Variants in VTI1A observed in about 807,000 individuals in gnomAD.
VTI1A encodes vesicle transport through interaction with t-SNAREs homolog 1A.
A neutral mutation model predicts 34.9 loss-of-function variants in VTI1A; 22 were observed. That is an observed-to-expected ratio of 0.63 (90% CI 0.45 to 0.90). VTI1A has a LOEUF of 0.90. Among genes scored for constraint, VTI1A ranks in the 40% least tolerant of loss-of-function variants. VTI1A has a pLI of 0.00. For synonymous variants in VTI1A, 87 were observed against 97.3 expected, an observed-to-expected ratio of 0.89 and a Z score of 0.62; for missense variants, 268 against 275.6, an observed-to-expected ratio of 0.97 and a Z score of 0.20.
chr10:112,653,036 A>G (rs1001062168), intron 5 of VTI1A, among the ~76,000 whole-genome samples: 1 of 152,252 alleles, frequency 6.6e-6, no homozygotes, highest in Non-Finnish European at 1.5e-5. Flanking sequence ...TAGGGGCTCA[A>G]GAGCCCCATT....
intron 5 of VTI1A, among the ~76,000 whole-genome samples, chr10:112,571,684 C>T (rs1336502400): frequency 6.6e-6 from 1 of 152,028 alleles, no homozygotes; most frequent in Non-Finnish European, 1.5e-5. Flanking sequence ...GTAGAATGCA[C>T]CTGTATGTTC....
intron 7 of VTI1A, chr10:112,736,896 A>G: frequency 2.8e-6 from 2 of 715,298 alleles, no homozygotes; most frequent in East Asian, 2.7e-5. Context: ...GGAAGTATTT[A>G]TAGATGCGCA....
intron 3 of VTI1A, among the ~76,000 whole-genome samples, chr10:112,478,684 C>T (rs767327809): frequency 3.9e-5 from 6 of 152,088 alleles, no homozygotes; most frequent in Middle Eastern, 6.8e-3. Flanking sequence ...ATAGTAGAGT[C>T]AGAATTAAAG....
At chr10:112,778,504 T>TA (rs1168382145) in intron 7 of VTI1A, among the ~76,000 whole-genome samples, 1 of 152,172 alleles carries the variant, frequency 6.6e-6, no homozygotes, top group South Asian at 2.1e-4. Context: ...GTTGTATTTT[T>TA]AAAAAGAATT....
chr10:112,483,665 A>G (rs1381053138), intron 3 of VTI1A, among the ~76,000 whole-genome samples: 2 of 152,034 alleles, frequency 1.3e-5, no homozygotes, highest in Non-Finnish European at 2.9e-5. Context: ...TGCCACCCCA[A>G]CCCCAGTCAT....
At chr10:112,570,427 G>T (rs765739691) in intron 5 of VTI1A, among the ~76,000 whole-genome samples, 1 of 152,136 alleles carries the variant, frequency 6.6e-6, no homozygotes, top group Non-Finnish European at 1.5e-5. Context: ...TAATGGTAAA[G>T]ATTGAGCCTG....
chr10:112,837,391 G>A, the VTI1A span, among the ~76,000 whole-genome samples: 1 of 152,178 alleles, frequency 6.6e-6, no homozygotes, highest in Non-Finnish European at 1.5e-5. Flanking sequence ...GGATGTCACA[G>A]TGACCCACCG....
chr10:112,599,993 T>C (rs1564843471), intron 5 of VTI1A, among the ~76,000 whole-genome samples: 1 of 152,232 alleles, frequency 6.6e-6, no homozygotes, highest in Non-Finnish European at 1.5e-5. Context: ...TAGATACTTA[T>C]TATTCTCATT....
rs569353607 is a variant in VTI1A at position 112,451,165 on chromosome 10, A to G, written c.94+3698A>G. Among the ~76,000 whole-genome samples the G allele has an allele frequency of 2.8e-4, 42 of 152,338 alleles. 1 individual carries two copies. In the East Asian group the frequency reaches 3.5e-3, roughly 13 times the overall value. ...ATCTGTTTAGAACCCTAGTTCTGCT[A>G]CTTACTAGATGTGCAGTCATGGACA... is the stretch of plus-strand genomic sequence containing the variant. On this transcript the variant is annotated intron_variant, in intron 1 of 7. Transcript: ENST00000393077.
rs35159993 is a variant in VTI1A, at chr10:112,795,431, C to CTTT, written c.561-19842_561-19840dup. Among the ~76,000 whole-genome samples, 24 of 123,984 alleles carry CTTT rather than the reference C, an allele frequency of 1.9e-4. 1 individual carries two copies. Among genetic ancestry groups the CTTT allele is most frequent in the East Asian group, 2.3e-4 (1 of 4,284 alleles). The allele number at this position is 123,984 out of a possible 152,430, so 81.3% of individuals were successfully genotyped here. A position where few individuals can be genotyped will look rare whatever the true frequency, so the allele number is the denominator to read the frequency against. The stretch of plus-strand genomic sequence containing the variant: ...TTTCTCCTACACATTCCCTATTACT[C>CTTT]TTTTTTTTTTTTTTTTTTTCTGAGA... On this transcript the variant is annotated intron_variant, in intron 7 of 7. Coordinates refer to ENST00000393077, the MANE Select transcript of VTI1A (RefSeq NM_145206.4).
intron 3 of VTI1A, among the ~76,000 whole-genome samples, chr10:112,483,274 A>T (rs926259462): frequency 1.7e-4 from 25 of 150,246 alleles, no homozygotes; most frequent in Non-Finnish European, 2.8e-4. Context: ...TTCTCCAATT[A>T]AAAAAAAAAT....
intron 5 of VTI1A, among the ~76,000 whole-genome samples, chr10:112,652,726 C>CAAGAAAAAAAAA (rs1847083041): frequency 9.4e-6 from 1 of 106,416 alleles, no homozygotes; most frequent in African/African-American, 3.8e-5. Flanking sequence ...GACCTTGTCT[C>CAAGAAAAAAAAA]AAAAAAAAAA....
At chr10:112,709,784 G>C (rs1422361563) in intron 7 of VTI1A, among the ~76,000 whole-genome samples, 2 of 142,420 alleles carry the variant, frequency 1.4e-5, no homozygotes, top group African/African-American at 5.3e-5. Flanking sequence ...TCTGCCTCCT[G>C]GGTTCAAGCA....
chr10:112,796,831 C>G (rs1852692961), intron 7 of VTI1A, among the ~76,000 whole-genome samples: 1 of 152,052 alleles, frequency 6.6e-6, no homozygotes, highest in Admixed American at 6.6e-5. Context: ...TTTTTTCCCC[C>G]TTTCTGCAGT....
At chr10:112,575,190 ATGAT>A (rs1218535861) in intron 5 of VTI1A, among the ~76,000 whole-genome samples, 4 of 152,222 alleles carry the variant, frequency 2.6e-5, no homozygotes, top group Non-Finnish European at 5.9e-5. Context: ...TATGAAATGA[ATGAT>A]TGATTTCTCT....
the VTI1A span, among the ~76,000 whole-genome samples, chr10:112,830,849 A>ATATATATATATATATTTTTTTTT: frequency 1.5e-4 from 5 of 33,496 alleles, no homozygotes; most frequent in Middle Eastern, 0.021. Context: ...ATATATATAT[A>ATATATATATATATATTTTTTTTT]TTTTTTTTTT....
chr10:112,467,995 C>T (rs1847954941), intron 3 of VTI1A, among the ~76,000 whole-genome samples: 1 of 152,118 alleles, frequency 6.6e-6, no homozygotes, highest in African/African-American at 2.4e-5. Flanking sequence ...ATTATAATTT[C>T]AGGTAGAGAT....
At chr10:112,726,417 A>G (rs558651996) in intron 7 of VTI1A, among the ~76,000 whole-genome samples, 25 of 152,156 alleles carry the variant, frequency 1.6e-4, no homozygotes, top group Non-Finnish European at 3.5e-4. Context: ...CCGTCAGTAG[A>G]CAAATTTAGT....
Position 112,818,364 on chromosome 10 carries a change from G to A in VTI1A, c.*2981G>A. On this transcript the variant is annotated 3_prime_UTR_variant, in exon 8 of 8. Coordinates refer to ENST00000393077, the MANE Select transcript of VTI1A (RefSeq NM_145206.4). ...GTGATTGGGTTTTCATTACCAAACA[G>A]CATCCAGAGATTATCAACCCATAGA... The A allele has an allele frequency of 4.3e-6, 1 of 232,386 alleles. No individual in the cohort carries two copies. Among genetic ancestry groups the A allele is most frequent in the Non-Finnish European group, 8.5e-6 (1 of 117,492 alleles). The allele number at this position is 232,386 out of a possible 1,614,324, so 14.4% of individuals were successfully genotyped here.
Sources: allele counts gnomAD v4.1 joint callset (sites outside exome capture counted in the v4.1 genomes callset), GRCh38; gene constraint gnomAD v4.1.1; transcripts MANE v1.5; gene names NCBI Gene and HGNC (gene_info 2026-07-23, HGNC 2026-07-21).